NAGA: variants seen among roughly 807,000 people sequenced by gnomAD.
NAGA encodes the protein alpha-N-acetylgalactosaminidase.
Under a neutral mutation model 45.6 loss-of-function variants are expected in NAGA, and 42 were observed. The ratio of observed to expected loss-of-function variants is 0.92; its 90% CI spans 0.72 to 1.19. NAGA has a LOEUF of 1.19. NAGA is among the 50% of genes most tolerant of loss of function. NAGA has a pLI of 0.00. For missense variants in NAGA, 493 were observed against 544.8 expected (o/e 0.90, Z 0.95); for synonymous variants, 176 against 203.1 (o/e 0.87, Z 1.13).
intron 1 of NAGA, among the ~76,000 whole-genome samples, chr22:42,069,778 A>G (rs1926945127): frequency 6.6e-6 from 1 of 152,198 alleles, no homozygotes; most frequent in Non-Finnish European, 1.5e-5. Context: ...TTTCTACTGA[A>G]TGTGCGTCGC....
In NAGA at chr22:42,067,201, C is replaced by T; in HGVS notation, c.414G>A (p.Val138=). ...CGGCGAAGGTCTGAGCATCCTGGAC[C>T]ACCTTGTCCAGTGTGGTGCCTGGGT... The part of the protein sequence containing the change: ...MGYPGTTLDK[V]VQDAQTFAEW... Residue 138 remains valine (V), a synonymous_variant, in exon 4 of 9, where the codon GTG becomes GTA. Coordinates refer to ENST00000396398, the MANE Select transcript of NAGA (RefSeq NM_000262.3). 6.2e-7 allele frequency: 1 copy of T among 1,614,148 alleles called. No homozygotes were observed. Among genetic ancestry groups the T allele is most frequent in the Non-Finnish European group, 8.5e-7 (1 of 1,179,992 alleles).
intron 5 of NAGA, among the ~76,000 whole-genome samples, chr22:42,066,343 C>T (rs1156739882): frequency 6.6e-6 from 1 of 152,228 alleles, no homozygotes; most frequent in Non-Finnish European, 1.5e-5. Context: ...CTTGGCCCCA[C>T]CTGCCTGGCC....
rs767853282 is a variant in NAGA at position 42,065,674 on chromosome 22, G to A, written c.759+64C>T. The A allele has an allele frequency of 2.5e-6, 4 of 1,602,752 alleles. No individual in the cohort carries two copies. In the African/African-American group the frequency reaches 4.0e-5, roughly 16 times the overall value. ...AGCCTCCAAGAAGGAAGAAAGCACA[G>A]GGCAGTGGGGAGCAGGGTCGTCACA... On this transcript the variant is annotated intron_variant, in intron 6 of 8. Coordinates refer to ENST00000396398, the MANE Select transcript of NAGA (RefSeq NM_000262.3).
Position 42,058,687 on chromosome 22 carries a change from G to A in NAGA, c.*1592C>T, listed in dbSNP as rs911713357. ...GGCTGAAAGGTAAGGGAATTAATTGGTCAAGTCCAGGCTCAACTCTGGCCC... is the reference window on the plus strand; with the variant it reads ...GGCTGAAAGGTAAGGGAATTAATTGATCAAGTCCAGGCTCAACTCTGGCCC... On this transcript the variant is annotated 3_prime_UTR_variant, in exon 9 of 9. Transcript: ENST00000396398. 6.6e-6 allele frequency: 1 copy of A among 152,202 alleles called. No homozygotes were observed. Among genetic ancestry groups the A allele is most frequent in the South Asian group, 2.1e-4 (1 of 4,830 alleles). 9.4% of individuals were successfully genotyped at this position (152,202 alleles called of 1,614,324 possible). A position where few individuals can be genotyped will look rare whatever the true frequency, so the allele number is the denominator to read the frequency against.
chr22:42,069,692 C>T (rs1462954800), intron 1 of NAGA, among the ~76,000 whole-genome samples: 2 of 151,524 alleles, frequency 1.3e-5, no homozygotes, highest in African/African-American at 4.9e-5. Context: ...TAACACAAAG[C>T]CTATTTTATA....
chr22:42,058,632 T>A lies in NAGA; in HGVS notation c.*1647A>T, dbSNP rs1926189762. On this transcript the variant is annotated 3_prime_UTR_variant, in exon 9 of 9. Coordinates refer to ENST00000396398, the MANE Select transcript of NAGA (RefSeq NM_000262.3). ...ACCCCCAGGACAAAAGGAAAACTTATACAGCAAGTAAAGACATGTAGCTAT... is the reference window on the plus strand; with the variant it reads ...ACCCCCAGGACAAAAGGAAAACTTAAACAGCAAGTAAAGACATGTAGCTAT... The A allele has an allele frequency of 6.6e-6, 1 of 152,158 alleles. No individual in the cohort carries two copies. 9.4% of individuals were successfully genotyped at this position (152,158 alleles called of 1,614,324 possible).
At chr22:42,070,093 G>A (rs753756251) in intron 1 of NAGA, among the ~76,000 whole-genome samples, 189 bp downstream of exon 1, 21 of 152,254 alleles carry the variant, frequency 1.4e-4, no homozygotes, top group Non-Finnish European at 2.4e-4. Flanking sequence ...GAGGAAGTGA[G>A]AAAGGAAGGG....
upstream of NAGA, chr22:42,070,832 GAGGGCGGGGCCTCACGA>G (rs1927009853): frequency 5.2e-6 from 1 of 194,016 alleles, no homozygotes; most frequent in African/African-American, 2.3e-5. Context: ...GCGTTCCAGT[GAGGGCGGGGCCTCACGA>G]AGGCAACCCT....
At chr22:42,065,713 G>A (rs750383599) in intron 6 of NAGA, 25 bp downstream of exon 6, 1 of 1,612,996 alleles carries the variant, frequency 6.2e-7, no homozygotes, top group East Asian at 2.2e-5. Flanking sequence ...GGTGGGCCTA[G>A]GGACATCCCC....
At chr22:42,070,249 A>T in intron 1 of NAGA, 33 bp downstream of exon 1, 2 of 1,613,824 alleles carry the variant, frequency 1.2e-6, no homozygotes, top group African/African-American at 1.3e-5. Flanking sequence ...ACTCACCCCT[A>T]CCCTTCCAAG....
intron 6 of NAGA, among the ~76,000 whole-genome samples, chr22:42,064,069 G>A (rs949298402): frequency 7.3e-5 from 11 of 151,574 alleles, no homozygotes; most frequent in Middle Eastern, 3.2e-3. Context: ...GGCCAGGCGC[G>A]GTGGCTCACG....
At position 42,060,475 on chromosome 22, in the gene NAGA, G is replaced by A. The variant is rs908035515; in HGVS notation, c.1102-62C>T. On this transcript the variant is annotated intron_variant, in intron 8 of 8. Coordinates refer to ENST00000396398, the MANE Select transcript of NAGA (RefSeq NM_000262.3). The stretch of plus-strand genomic sequence containing the variant: ...GAGTGGCGGCACAGAGACCCCCCCC[G>A]CTAGAGGATGTAGAAGCCTTCTGCC... The A allele has an allele frequency of 1.4e-5, 23 of 1,598,790 alleles. No individual in the cohort carries two copies. In the East Asian group the frequency reaches 2.7e-4, roughly 19 times the overall value.
chr22:42,058,593 AG>A lies in NAGA; in HGVS notation c.*1685del, dbSNP rs1926188465. The A allele has an allele frequency of 1.3e-5, 2 of 152,222 alleles. No individual in the cohort carries two copies. Among genetic ancestry groups the A allele is most frequent in the South Asian group, 2.1e-4 (1 of 4,826 alleles). 9.4% of individuals were successfully genotyped at this position (152,222 alleles called of 1,614,324 possible). On this transcript the variant is annotated 3_prime_UTR_variant, in exon 9 of 9. Coordinates refer to ENST00000396398, the MANE Select transcript of NAGA (RefSeq NM_000262.3). ...TTGAAAGAATGAAGGGTGAAGAGAT[AG>A]GATCAATCAGGCACCCCCAGGACAA...
chr22:42,070,403 A>T lies in NAGA; in HGVS notation c.-106T>A. On this transcript the variant is annotated 5_prime_UTR_variant, in exon 1 of 9. Transcript: ENST00000396398. ...GAAACGTCTGAAAAGCACTGGGGTC[A>T]CGGCTGCCTGGCTAGCTCGGCCGCC... 1 of 1,425,984 alleles carries T rather than the reference A, an allele frequency of 7.0e-7. No individual in the cohort carries two copies. Among genetic ancestry groups the T allele is most frequent in the Non-Finnish European group, 9.9e-7 (1 of 1,009,286 alleles). 88.3% of individuals were successfully genotyped at this position (1,425,984 alleles called of 1,614,324 possible).
chr22:42,068,707 G>A (rs998729375), intron 1 of NAGA, 133 bp from the exon 2 acceptor site: 1 of 1,284,824 alleles, frequency 7.8e-7, no homozygotes, highest in Non-Finnish European at 1.1e-6. Context: ...TGGACTCCTG[G>A]GTTTAGGGTA....
In NAGA at chr22:42,058,942, C is replaced by G. The variant is rs1444315750; in HGVS notation, c.*1337G>C. 6.6e-6 allele frequency: 1 copy of G among 152,216 alleles called. No homozygotes were observed. Among genetic ancestry groups the G allele is most frequent in the Non-Finnish European group, 1.5e-5 (1 of 68,070 alleles). The allele number at this position is 152,216 out of a possible 1,614,324, so 9.4% of individuals were successfully genotyped here. ...TGGGGAAAGGAACTTTCTCTGGTGA[C>G]CCTATACTTAACCAGTAAAGCTTCA... On this transcript the variant is annotated 3_prime_UTR_variant, in exon 9 of 9. Transcript: ENST00000396398.
chr22:42,070,807 C>A lies in NAGA; in HGVS notation c.-510G>T. 1 of 226,744 alleles carries A rather than the reference C, an allele frequency of 4.4e-6. No individual in the cohort carries two copies. The highest frequency in any genetic ancestry group is 9.0e-6 in the Non-Finnish European group (1 of 110,796). 14.0% of individuals were successfully genotyped at this position (226,744 alleles called of 1,614,324 possible). On this transcript the variant is annotated 5_prime_UTR_variant, in exon 1 of 9. Coordinates refer to ENST00000396398, the MANE Select transcript of NAGA (RefSeq NM_000262.3). Reference sequence around the variant, plus strand: ...GCCGCTTCTGACTCGAATCCGGTAACCTGATAAGTCCGAAGCGTTCCAGTG... The same window carrying A: ...GCCGCTTCTGACTCGAATCCGGTAAACTGATAAGTCCGAAGCGTTCCAGTG...
In NAGA at chr22:42,062,890, C is replaced by G; in HGVS notation, c.894G>C (p.Gln298His). The part of the protein sequence containing the change: ...TISAQNMDIL[Q>H]NPLMIKINQD... ...GGTTGATTTTGATCATGAGTGGATT[C>G]TGCAGAATGTCCATGTTCTGGGCGG... Residue 298 changes from glutamine (Q) to histidine (H), a missense_variant, in exon 7 of 9, where the codon CAG (glutamine) becomes CAC (histidine). Transcript: ENST00000396398. The G allele has an allele frequency of 6.2e-7, 1 of 1,614,208 alleles. No homozygotes were observed. The highest frequency in any genetic ancestry group is 1.1e-5 in the South Asian group (1 of 91,084).
rs2146841497 is a variant in NAGA, at chr22:42,065,827, TC to T, written c.669del (p.Trp223Ter). 1 of 1,614,158 alleles carries T rather than the reference TC, an allele frequency of 6.2e-7. No individual in the cohort carries two copies. The highest frequency in any genetic ancestry group is 2.2e-5 in the East Asian group (1 of 44,878). ...RNYDDIQDSW[W>X]SVLSILNWFV... ...AACCAATTCAGGATGGAGAGCACGC[TC>T]CACCAGGAGTCCTGGATGTCATCAT... On this transcript the variant is annotated frameshift_variant, in exon 6 of 9. Transcript: ENST00000396398. LOFTEE classifies it high-confidence loss of function.
Sources: allele counts gnomAD v4.1 joint callset (sites outside exome capture counted in the v4.1 genomes callset), GRCh38; gene constraint gnomAD v4.1.1; transcripts MANE v1.5; gene names NCBI Gene and HGNC (gene_info 2026-07-23, HGNC 2026-07-21).